The following HOXA3 variants were observed in gnomAD, a reference collection of about 807,000 sequenced individuals.
HOXA3 encodes the protein homeobox A3.
HOXA3 carries 8 observed loss-of-function variants against 30.3 expected under a neutral mutation model. The ratio of observed to expected loss-of-function variants is 0.26; its 90% CI spans 0.15 to 0.48. HOXA3 has a LOEUF of 0.48. HOXA3 is among the 20% of genes least tolerant of loss of function. HOXA3 has a pLI of 0.99. For missense variants in HOXA3, 653 were observed against 614.4 expected (o/e 1.06, Z -0.66); for synonymous variants, 323 against 273.1 (o/e 1.18, Z -1.80).
rs1437430315 is a variant in HOXA3 at position 27,152,445 on chromosome 7, G to C, written c.-651C>G. On this transcript the variant is annotated 5_prime_UTR_variant, in exon 1 of 6. Coordinates refer to ENST00000612286, the MANE Select transcript of HOXA3 (RefSeq NM_153631.3). Reference sequence around the variant, plus strand: ...TGCCGCGGCGCCGGGAACGGAGCGCGCCCAATCTCCAGCGGGAGCCGCCAG... The same window carrying C: ...TGCCGCGGCGCCGGGAACGGAGCGCCCCCAATCTCCAGCGGGAGCCGCCAG... 1.7e-6 allele frequency: 2 copies of C among 1,157,036 alleles called. No homozygotes were observed. Among genetic ancestry groups the C allele is most frequent in the African/African-American group, 1.7e-5 (1 of 60,596 alleles). 71.7% of individuals were successfully genotyped at this position (1,157,036 alleles called of 1,614,324 possible). A position where few individuals can be genotyped will look rare whatever the true frequency, so the allele number is the denominator to read the frequency against.
chr7:27,126,454 AC>A (rs1313559927), intron 3 of HOXA3, among the ~76,000 whole-genome samples: 1 of 151,770 alleles, frequency 6.6e-6, no homozygotes, highest in Non-Finnish European at 1.5e-5. Context: ...AAAAAAAAAA[AC>A]AATTAATGAG....
At chr7:27,144,253 G>A (rs1477191850) in intron 1 of HOXA3, among the ~76,000 whole-genome samples, 1 of 152,190 alleles carries the variant, frequency 6.6e-6, no homozygotes, top group Non-Finnish European at 1.5e-5. Flanking sequence ...GGGGAAGGGG[G>A]AAAGCCATTT....
intron 4 of HOXA3, chr7:27,120,900 A>G (rs1784973330): frequency 6.6e-6 from 1 of 152,378 alleles, no homozygotes; most frequent in African/African-American, 2.4e-5. Flanking sequence ...GAGCAAAGCT[A>G]CGGGCCTTTT....
intron 4 of HOXA3, among the ~76,000 whole-genome samples, chr7:27,111,399 T>C (rs1367051194): frequency 2.0e-5 from 3 of 152,168 alleles, no homozygotes; most frequent in Non-Finnish European, 4.4e-5. Flanking sequence ...TTAATCCACC[T>C]TGTTGGGGAT....
At chr7:27,137,763 A>G (rs1214486386) in intron 2 of HOXA3, among the ~76,000 whole-genome samples, 1 of 152,228 alleles carries the variant, frequency 6.6e-6, no homozygotes, top group Non-Finnish European at 1.5e-5. Flanking sequence ...GAAATAAGCA[A>G]GCTGACAATA....
intron 4 of HOXA3, among the ~76,000 whole-genome samples, chr7:27,111,109 G>A (rs17465372): frequency 0.072 from 11,028 of 152,188 alleles, 813 homozygotes; most frequent in African/African-American, 0.19. Context: ...GAAACTTGGG[G>A]TGTCGCTTAG....
intron 1 of HOXA3, among the ~76,000 whole-genome samples, chr7:27,145,022 G>C (rs1056222135): frequency 7.2e-5 from 11 of 152,210 alleles, no homozygotes; most frequent in Non-Finnish European, 1.6e-4. Context: ...GGCTGAGGCT[G>C]CTTCTCTTCC....
chr7:27,133,430 C>A (rs564010982), intron 2 of HOXA3, among the ~76,000 whole-genome samples: 35 of 152,300 alleles, frequency 2.3e-4, no homozygotes, highest in African/African-American at 7.0e-4. Flanking sequence ...AGATGGGATG[C>A]CCTGAAATGT....
In HOXA3 at chr7:27,113,119, C is replaced by A. The variant is rs977706220; in HGVS notation, c.-120-2359G>T. 6.6e-6 allele frequency among the ~76,000 whole-genome samples: 1 copy of A among 152,066 alleles called. No individual in the cohort carries two copies. Among genetic ancestry groups the A allele is most frequent in the African/African-American group, 2.4e-5 (1 of 41,366 alleles). On this transcript the variant is annotated intron_variant, in intron 4 of 5. Coordinates refer to ENST00000612286, the MANE Select transcript of HOXA3 (RefSeq NM_153631.3). This position sits in a 1 kb window ranked among gnomAD's most constrained non-coding sequence, Gnocchi z 4.8. ...CCAGCCAGGAAACTTTGCTCTGTACCGCCAAGCAAGGGCTGGGGATGAGGG... is the reference window on the plus strand; with the variant it reads ...CCAGCCAGGAAACTTTGCTCTGTACAGCCAAGCAAGGGCTGGGGATGAGGG...
At chr7:27,143,959 G>A (rs1484279540) in intron 1 of HOXA3, among the ~76,000 whole-genome samples, 1 of 152,222 alleles carries the variant, frequency 6.6e-6, no homozygotes, top group Non-Finnish European at 1.5e-5. Flanking sequence ...TTCCGACCGG[G>A]GGCTGCAAGG....
intron 1 of HOXA3, chr7:27,147,488 C>T (rs762568049): frequency 6.2e-7 from 1 of 1,614,082 alleles, no homozygotes; most frequent in Non-Finnish European, 8.5e-7. Context: ...GAGGGCGAGG[C>T]GCCACTGAGG....
chr7:27,113,545 T>C lies in HOXA3; in HGVS notation c.-120-2785A>G, dbSNP rs900861702. 1 of 152,026 alleles carries C rather than the reference T, an allele frequency of 6.6e-6. No individual in the cohort carries two copies. The highest frequency in any genetic ancestry group is 6.5e-5 in the Admixed American group (1 of 15,282). The allele number at this position is 152,026 out of a possible 1,614,324, so 9.4% of individuals were successfully genotyped here. ...CTTGTGAACTCTTCTTGAACCGAGATTTAAGTCTGCAGCCATAAATCACCG... is the reference window on the plus strand; with the variant it reads ...CTTGTGAACTCTTCTTGAACCGAGACTTAAGTCTGCAGCCATAAATCACCG... On this transcript the variant is annotated intron_variant, in intron 4 of 5. Coordinates refer to ENST00000612286, the MANE Select transcript of HOXA3 (RefSeq NM_153631.3). The surrounding 1 kb of genome is among the most constrained non-coding windows in gnomAD (Gnocchi z 4.8).
At chr7:27,128,904 C>T (rs1308607780) in intron 2 of HOXA3, 3 of 393,796 alleles carry the variant, frequency 7.6e-6, no homozygotes, top group Non-Finnish European at 1.4e-5. Flanking sequence ...TCAGCATGGG[C>T]TGTCCAGCTA....
intron 1 of HOXA3, chr7:27,145,666 C>T (rs377212926): frequency 4.0e-5 from 64 of 1,613,216 alleles, no homozygotes; most frequent in Non-Finnish European, 5.3e-5. Flanking sequence ...ATCTACTCGC[C>T]CGCCTTTGCC....
chr7:27,145,705 A>G, intron 1 of HOXA3: 12 of 1,614,098 alleles, frequency 7.4e-6, no homozygotes, highest in Non-Finnish European at 1.0e-5. Flanking sequence ...GGCTGCGTGG[A>G]ATTGATGAGC....
intron 2 of HOXA3, among the ~76,000 whole-genome samples, chr7:27,127,623 G>C (rs1005597729): frequency 1.3e-5 from 2 of 152,190 alleles, no homozygotes; most frequent in African/African-American, 4.8e-5. Flanking sequence ...GGTTTTTGTG[G>C]TCTTATTGTA....
Position 27,108,227 on chromosome 7 carries a change from G to A in HOXA3, c.1020C>T (p.Pro340=). 2 of 1,522,750 alleles carry A rather than the reference G, an allele frequency of 1.3e-6. No individual in the cohort carries two copies. The highest frequency in any genetic ancestry group is 1.3e-5 in the South Asian group (1 of 77,398). The allele number at this position is 1,522,750 out of a possible 1,614,324, so 94.3% of individuals were successfully genotyped here. A position where few individuals can be genotyped will look rare whatever the true frequency, so the allele number is the denominator to read the frequency against. Residue 340 remains proline, a synonymous_variant, in exon 6 of 6, where the codon CCC becomes CCT. Coordinates refer to ENST00000612286, the MANE Select transcript of HOXA3 (RefSeq NM_153631.3). The surrounding 1 kb of genome is among the most constrained non-coding windows in gnomAD (Gnocchi z 5.0). The part of the protein sequence containing the change: ...TAAGAGAGGT[P]DYDPHAHGLQ... ...GGCCATGAGCGTGCGGGTCATAGTCGGGGGTGCCCCCTGCGCCCGCCCCTG... is the reference window on the plus strand; with the variant it reads ...GGCCATGAGCGTGCGGGTCATAGTCAGGGGTGCCCCCTGCGCCCGCCCCTG...
chr7:27,130,078 C>T (rs1376367587), intron 2 of HOXA3: 1 of 1,555,118 alleles, frequency 6.4e-7, no homozygotes, highest in African/African-American at 1.4e-5. Flanking sequence ...CAGGCCCAGC[C>T]CCGGCCCACC....
At chr7:27,146,248 TG>T (rs1204560612) in intron 1 of HOXA3, among the ~76,000 whole-genome samples, 257 of 83,920 alleles carry the variant, frequency 3.1e-3, no homozygotes, top group African/African-American at 0.01. Context: ...TGTGTGTGTG[TG>T]TTTGTGTGTG....
Sources: gnomAD v4.1 joint callset for allele counts (sites outside exome capture counted in the v4.1 genomes callset) on GRCh38, gnomAD v4.1.1 for gene constraint, Gnocchi (gnomAD v3.1) non-coding constraint, MANE v1.5 for transcripts, NCBI Gene and HGNC (gene_info 2026-07-23, HGNC 2026-07-21) for gene names.